Variants in ZNF577 observed in about 807,000 individuals in gnomAD.
ZNF577 encodes the protein zinc finger protein 577.
A neutral mutation model predicts 13.9 loss-of-function variants in ZNF577; 14 were observed. That is an observed-to-expected ratio of 1.00 (90% CI 0.66 to 1.57). The LOEUF is 1.57. Among genes scored for constraint, ZNF577 ranks in the 40% most tolerant of loss-of-function variants. The pLI, the probability that ZNF577 is intolerant of heterozygous loss-of-function variation, is 0.00. For synonymous variants in ZNF577, 203 were observed against 202.9 expected, an observed-to-expected ratio of 1.00 and a Z score of 0.00; for missense variants, 555 against 579.2, an observed-to-expected ratio of 0.96 and a Z score of 0.43.
chr19:51,849,181 A>C (rs1415362623), intron 5 of ZNF577, among the ~76,000 whole-genome samples: 2 of 152,238 alleles, frequency 1.3e-5, no homozygotes, highest in African/African-American at 4.8e-5. Context: ...ACTCTTCTCC[A>C]ATGGAGAAAG....
At chr19:51,851,615 C>G (rs2084379003) in intron 5 of ZNF577, among the ~76,000 whole-genome samples, 1 of 152,110 alleles carries the variant, frequency 6.6e-6, no homozygotes, top group African/African-American at 2.4e-5. Context: ...CTCACATTTG[C>G]TCCTGTTCAC....
intron 5 of ZNF577, among the ~76,000 whole-genome samples, chr19:51,848,452 A>G (rs181271880): frequency 4.6e-5 from 7 of 152,350 alleles, no homozygotes; most frequent in Admixed American, 3.3e-4. Context: ...TTACTGAAGC[A>G]TTATTCACAA....
chr19:51,820,916 C>T (rs1486084604), intron 9 of ZNF577, among the ~76,000 whole-genome samples: 1 of 152,188 alleles, frequency 6.6e-6, no homozygotes, highest in Non-Finnish European at 1.5e-5. Flanking sequence ...TCTGCAGAGG[C>T]TGTGAGAGCA....
chr19:51,806,262 G>A (rs1261416314), intron 10 of ZNF577, among the ~76,000 whole-genome samples: 1 of 152,150 alleles, frequency 6.6e-6, no homozygotes, highest in African/African-American at 2.4e-5. Flanking sequence ...TTCCAGGGTT[G>A]CAAGCACCTT....
intron 8 of ZNF577, chr19:51,840,902 T>C (rs1343713829): frequency 6.6e-6 from 1 of 152,158 alleles, no homozygotes; most frequent in African/African-American, 2.4e-5. Flanking sequence ...AAATGAATAA[T>C]TGCAAAGAGA....
At chr19:51,852,933 C>CTTTTT (rs112665914) in intron 5 of ZNF577, among the ~76,000 whole-genome samples, 3 of 144,042 alleles carry the variant, frequency 2.1e-5, no homozygotes, top group Admixed American at 6.9e-5. Context: ...GTTTTCTTTT[C>CTTTTT]TTTTTTTTTT....
chr19:51,844,486 T>A (rs1438450182), intron 6 of ZNF577, among the ~76,000 whole-genome samples: 1 of 152,220 alleles, frequency 6.6e-6, no homozygotes, highest in Non-Finnish European at 1.5e-5. Context: ...AATTCTCTTG[T>A]GATGGTTGTC....
intron 5 of ZNF577, among the ~76,000 whole-genome samples, chr19:51,857,422 GAAAGA>G (rs1555745884): frequency 9.2e-6 from 1 of 108,706 alleles, no homozygotes; most frequent in African/African-American, 4.3e-5. Context: ...AAGAAAGAAA[GAAAGA>G]AAAGAAAAAA....
intron 5 of ZNF577, among the ~76,000 whole-genome samples, chr19:51,848,295 G>T (rs2122558073): frequency 6.6e-6 from 1 of 152,268 alleles, no homozygotes; most frequent in African/African-American, 2.4e-5. Context: ...CACACGAAAG[G>T]TGAGGCCGTA....
intron 8 of ZNF577, chr19:51,840,744 G>C (rs2084315717): frequency 1.3e-5 from 2 of 152,074 alleles, no homozygotes; most frequent in Admixed American, 6.5e-5. Flanking sequence ...AGGTTCCCAG[G>C]AATACAAGGA....
At chr19:51,879,394 C>G (rs1441551376) in intron 3 of ZNF577, among the ~76,000 whole-genome samples, 1 of 151,922 alleles carries the variant, frequency 6.6e-6, no homozygotes, top group African/African-American at 2.4e-5. Flanking sequence ...ATGGTGAAAC[C>G]CCCATCTCTA....
chr19:51,884,506 C>A (rs902157832), intron 1 of ZNF577, among the ~76,000 whole-genome samples: 1 of 152,076 alleles, frequency 6.6e-6, no homozygotes, highest in Non-Finnish European at 1.5e-5. Flanking sequence ...TTAGAGTCAT[C>A]AGAGCCTGAT....
intron 1 of ZNF577, among the ~76,000 whole-genome samples, chr19:51,884,436 T>C (rs1250395762): frequency 3.3e-5 from 5 of 152,088 alleles, no homozygotes; most frequent in Admixed American, 6.6e-5. Flanking sequence ...TGAATATGAA[T>C]TGATAACCAT....
intron 10 of ZNF577, among the ~76,000 whole-genome samples, chr19:51,810,940 T>C (rs2084092416): frequency 6.6e-6 from 1 of 152,176 alleles, no homozygotes; most frequent in Non-Finnish European, 1.5e-5. Flanking sequence ...ATTCTTTGTA[T>C]TGGGGTCTCT....
exon 11 of ZNF577, chr19:51,805,086 A>C (rs1012349889): frequency 1.3e-5 from 2 of 152,206 alleles, no homozygotes; most frequent in Admixed American, 1.3e-4. Context: ...TATTCATGAT[A>C]AACAGTTTGC....
At chr19:51,881,062 C>T (rs10401778) in intron 1 of ZNF577, among the ~76,000 whole-genome samples, 185 bp from the exon 2 acceptor site, 33,668 of 152,066 alleles carry the variant, frequency 0.22, 4,564 homozygotes, top group South Asian at 0.41. Context: ...AAGAGGAATG[C>T]CTTTTTTTTT....
At chr19:51,876,051 G>A (rs1465709915) in intron 5 of ZNF577, among the ~76,000 whole-genome samples, 2 of 152,154 alleles carry the variant, frequency 1.3e-5, no homozygotes, top group Non-Finnish European at 2.9e-5. Context: ...TTTTCCAGGA[G>A]GAAAGAGAAT....
At chr19:51,840,545 G>C (rs553611183) in intron 8 of ZNF577, 2 of 152,272 alleles carry the variant, frequency 1.3e-5, no homozygotes, top group South Asian at 4.1e-4. Flanking sequence ...AGACCTTGAG[G>C]GGTAAGAACT....
chr19:51,884,411 G>C (rs760429454), intron 1 of ZNF577, among the ~76,000 whole-genome samples: 1 of 152,118 alleles, frequency 6.6e-6, no homozygotes, highest in Non-Finnish European at 1.5e-5. Context: ...AGATAAATAT[G>C]ACTGATATGA....
Sources: allele counts gnomAD v4.1 joint callset (sites outside exome capture counted in the v4.1 genomes callset), GRCh38; gene constraint gnomAD v4.1.1; transcripts MANE v1.5; gene names NCBI Gene and HGNC (gene_info 2026-07-23, HGNC 2026-07-21).